Variants in PCDH15 observed in about 807,000 individuals in gnomAD.
The protein encoded by PCDH15 is protocadherin-15.
A neutral mutation model predicts 178.5 loss-of-function variants in PCDH15; 129 were observed. The observed-to-expected ratio is 0.72, with a 90% CI of 0.63 to 0.84. The LOEUF is 0.84. Ranked by LOEUF, PCDH15 falls within the 40% of genes least tolerant of loss-of-function variation. The pLI is 0.00. For synonymous variants in PCDH15, 800 were observed against 732.0 expected, an observed-to-expected ratio of 1.09 and a Z score of -1.50; for missense variants, 2,230 against 2,099.9, an observed-to-expected ratio of 1.06 and a Z score of -1.21.
chr10:54,316,529 T>C (rs963789596), intron 8 of PCDH15, among the ~76,000 whole-genome samples: 5 of 132,298 alleles, frequency 3.8e-5, no homozygotes, highest in South Asian at 4.9e-4. Flanking sequence ...AATATGTGTA[T>C]ACACACACAC....
At chr10:54,577,216 G>T (rs1191311936) in intron 2 of PCDH15, among the ~76,000 whole-genome samples, 1 of 151,664 alleles carries the variant, frequency 6.6e-6, no homozygotes, top group African/African-American at 2.4e-5. Flanking sequence ...CTGAGTAGCA[G>T]GGACTATAGG....
At chr10:54,350,703 C>A (rs891972454) in intron 5 of PCDH15, among the ~76,000 whole-genome samples, 1 of 152,218 alleles carries the variant, frequency 6.6e-6, no homozygotes, top group African/African-American at 2.4e-5. Context: ...TAGATCCTGG[C>A]CAGATGCCAT....
At chr10:55,187,175 T>C (rs1311323150) in intron 1 of PCDH15, among the ~76,000 whole-genome samples, 2 of 151,934 alleles carry the variant, frequency 1.3e-5, no homozygotes, top group Admixed American at 6.6e-5. Context: ...GATAAGTTCA[T>C]ACTCACGTAA....
intron 2 of PCDH15, among the ~76,000 whole-genome samples, chr10:54,981,348 A>C (rs1839226812): frequency 6.6e-6 from 1 of 152,144 alleles, no homozygotes; most frequent in Non-Finnish European, 1.5e-5. Context: ...CTACCTTCAC[A>C]TATCTTGCTC....
chr10:55,155,597 A>T (rs2132106536), intron 2 of PCDH15, among the ~76,000 whole-genome samples: 1 of 152,060 alleles, frequency 6.6e-6, no homozygotes, highest in South Asian at 2.1e-4. Context: ...GGGCAAAGAT[A>T]AGTATTTCTT....
chr10:54,560,684 G>A (rs2088013020), intron 2 of PCDH15, among the ~76,000 whole-genome samples: 1 of 151,990 alleles, frequency 6.6e-6, no homozygotes, highest in Non-Finnish European at 1.5e-5. Flanking sequence ...ATAACTGCTT[G>A]CGTTATAGAT....
intron 2 of PCDH15, among the ~76,000 whole-genome samples, chr10:55,355,282 G>A (rs541259710): frequency 2.0e-5 from 3 of 151,964 alleles, no homozygotes; most frequent in Non-Finnish European, 4.4e-5. Context: ...CCGAAGATTG[G>A]ATTGCTCGGT....
At chr10:55,088,747 C>A (rs1591893788) in intron 2 of PCDH15, among the ~76,000 whole-genome samples, 1 of 151,984 alleles carries the variant, frequency 6.6e-6, no homozygotes, top group African/African-American at 2.4e-5. Context: ...TAATACATTA[C>A]ATATAATATA....
intron 1 of PCDH15, among the ~76,000 whole-genome samples, chr10:54,741,591 A>T (rs944146593): frequency 6.6e-5 from 10 of 152,062 alleles, no homozygotes; most frequent in Non-Finnish European, 1.5e-4. Flanking sequence ...AGAAGTAAAA[A>T]ATAGGTCTCA....
chr10:55,371,779 T>C (rs1211874065), intron 2 of PCDH15, among the ~76,000 whole-genome samples: 1 of 152,120 alleles, frequency 6.6e-6, no homozygotes, highest in East Asian at 1.9e-4. Context: ...TCAGGTAGTT[T>C]TTTATAGCTG....
intron 2 of PCDH15, among the ~76,000 whole-genome samples, chr10:54,989,596 G>A (rs1030901174): frequency 6.6e-6 from 1 of 152,126 alleles, no homozygotes; most frequent in Non-Finnish European, 1.5e-5. Flanking sequence ...ACTTGCATGG[G>A]GCCTGTAGCC....
intron 8 of PCDH15, among the ~76,000 whole-genome samples, chr10:54,292,715 C>T (rs1419326421): frequency 3.9e-5 from 6 of 152,146 alleles, no homozygotes; most frequent in Admixed American, 3.9e-4. Context: ...CTCCCATTCA[C>T]AATTGCTACA....
At chr10:54,560,695 T>A (rs1243570183) in intron 2 of PCDH15, among the ~76,000 whole-genome samples, 1 of 152,110 alleles carries the variant, frequency 6.6e-6, no homozygotes, top group Non-Finnish European at 1.5e-5. Flanking sequence ...CGTTATAGAT[T>A]TTTCTTTTTT....
chr10:55,610,241 T>C (rs1159506902), intron 2 of PCDH15, among the ~76,000 whole-genome samples: 5 of 152,100 alleles, frequency 3.3e-5, no homozygotes, highest in African/African-American at 1.2e-4. Flanking sequence ...CAAAACCATG[T>C]TTTCAAACTA....
At chr10:54,979,841 A>T (rs1368802615) in intron 2 of PCDH15, among the ~76,000 whole-genome samples, 1 of 152,146 alleles carries the variant, frequency 6.6e-6, no homozygotes. Context: ...TGTGTAACAT[A>T]TTGTAACATA....
intron 3 of PCDH15, among the ~76,000 whole-genome samples, chr10:54,858,066 T>C (rs1311147667): frequency 6.6e-6 from 1 of 152,192 alleles, no homozygotes; most frequent in African/African-American, 2.4e-5. Flanking sequence ...TGAAACCTTA[T>C]ACCTTCTGAC....
At chr10:54,801,688 G>A (rs530162303), upstream of PCDH15, among the ~76,000 whole-genome samples, 2 of 151,484 alleles carry the variant, frequency 1.3e-5, no homozygotes, top group South Asian at 4.2e-4. Flanking sequence ...CACATCTTTG[G>A]GGCATAAAAA....
intron 1 of PCDH15, among the ~76,000 whole-genome samples, chr10:55,180,400 C>T (rs968766245): frequency 6.6e-5 from 10 of 151,966 alleles, no homozygotes; most frequent in South Asian, 2.1e-4. Flanking sequence ...AATAAGAGAC[C>T]GTCTCACCAG....
intron 3 of PCDH15, among the ~76,000 whole-genome samples, chr10:54,893,843 T>C (rs1331089680): frequency 6.6e-6 from 1 of 152,080 alleles, no homozygotes; most frequent in Non-Finnish European, 1.5e-5. Context: ...TCACAGGTTC[T>C]TAGAATGTGA....
Sources: gnomAD v4.1 joint callset for allele counts (sites outside exome capture counted in the v4.1 genomes callset) on GRCh38, gnomAD v4.1.1 for gene constraint, MANE v1.5 for transcripts, NCBI Gene and HGNC (gene_info 2026-07-23, HGNC 2026-07-21) for gene names.